RAI14: variants seen among roughly 807,000 people sequenced by gnomAD.
RAI14 encodes retinoic acid induced 14, also known as ankycorbin.
Under a neutral mutation model 115.4 loss-of-function variants are expected in RAI14, and 45 were observed. The observed-to-expected ratio is 0.39, with a 90% CI of 0.31 to 0.50. RAI14 has a LOEUF of 0.50. Ranked by LOEUF, RAI14 falls within the 20% of genes least tolerant of loss-of-function variation. The pLI, the probability that RAI14 is intolerant of heterozygous loss-of-function variation, is 0.85. For synonymous variants in RAI14, 371 were observed against 415.4 expected, an observed-to-expected ratio of 0.89 and a Z score of 1.30; for missense variants, 939 against 1,131.2, an observed-to-expected ratio of 0.83 and a Z score of 2.44.
At chr5:34,772,488 C>T (rs73078624) in intron 3 of RAI14, among the ~76,000 whole-genome samples, 13,831 of 152,232 alleles carry the variant, frequency 0.091, 1,118 homozygotes, top group African/African-American at 0.22. Context: ...CAACCCCTCA[C>T]AGGCTTGTTG....
chr5:34,763,514 G>A (rs1034353616), intron 3 of RAI14, among the ~76,000 whole-genome samples: 1 of 152,182 alleles, frequency 6.6e-6, no homozygotes, highest in African/African-American at 2.4e-5. Flanking sequence ...ATCTAGTTGG[G>A]AGGTACTCCC....
chr5:34,705,525 G>A (rs1278357189), intron 2 of RAI14, among the ~76,000 whole-genome samples: 1 of 152,086 alleles, frequency 6.6e-6, no homozygotes, highest in African/African-American at 2.4e-5. Context: ...AAACTGAAGT[G>A]GAATGATACT....
At chr5:34,688,345 A>C in intron 2 of RAI14, 1 of 1,250,058 alleles carries the variant, frequency 8.0e-7, no homozygotes, top group Non-Finnish European at 1.1e-6. Flanking sequence ...AAGGGAATCT[A>C]GGTAGCTTTC....
chr5:34,780,970 C>A (rs1440528984), intron 3 of RAI14, among the ~76,000 whole-genome samples: 1 of 152,060 alleles, frequency 6.6e-6, no homozygotes, highest in African/African-American at 2.4e-5. Flanking sequence ...GGAACCAACC[C>A]AAATGTCCAT....
rs113237026 is a variant in RAI14, at chr5:34,786,702, C to T, written c.168-9237C>T. ...CCACATTTTCCAACTGTTGCTCTGGCGACCCTTCGACCTGGGTTTGAGCCT... is the reference window on the plus strand; with the variant it reads ...CCACATTTTCCAACTGTTGCTCTGGTGACCCTTCGACCTGGGTTTGAGCCT... On this transcript the variant is annotated intron_variant, in intron 3 of 17. Coordinates refer to ENST00000265109, the MANE Select transcript of RAI14 (RefSeq NM_015577.3). 3.9e-5 allele frequency among the ~76,000 whole-genome samples: 6 copies of T among 152,192 alleles called. No homozygotes were observed. The East Asian group carries it at 5.8e-4, about 15-fold the overall frequency.
intron 3 of RAI14, among the ~76,000 whole-genome samples, chr5:34,762,928 CATGTGTGTGT>C (rs755202349): frequency 2.0e-5 from 2 of 98,826 alleles, no homozygotes; most frequent in Admixed American, 1.0e-4. Context: ...GGAGTGTGTG[CATGTGTGTGT>C]GTGTGTGTGT....
chr5:34,829,128 TATATAC>T (rs1280036541), intron 16 of RAI14, among the ~76,000 whole-genome samples: 2 of 95,726 alleles, frequency 2.1e-5, no homozygotes, highest in East Asian at 4.7e-4. Flanking sequence ...TACACACACA[TATATAC>T]ATATATACAC....
At chr5:34,826,163 A>C in intron 15 of RAI14, 167 bp from the exon 16 acceptor site, 1 of 527,520 alleles carries the variant, frequency 1.9e-6, no homozygotes, top group Non-Finnish European at 3.0e-6. Flanking sequence ...TTTGTCATCC[A>C]TTTCATTTTA....
At chr5:34,806,148 A>G (rs944519877) in intron 5 of RAI14, among the ~76,000 whole-genome samples, 4 of 152,210 alleles carry the variant, frequency 2.6e-5, no homozygotes, top group Non-Finnish European at 4.4e-5. Flanking sequence ...CCAAGGATGC[A>G]AAGAGCCACA....
At chr5:34,800,602 C>T (rs1561052709) in intron 4 of RAI14, among the ~76,000 whole-genome samples, 2 of 152,144 alleles carry the variant, frequency 1.3e-5, no homozygotes, top group African/African-American at 4.8e-5. Flanking sequence ...ATGCGTCATT[C>T]GGATTTTGAG....
intron 2 of RAI14, among the ~76,000 whole-genome samples, chr5:34,698,391 G>A (rs1406981902): frequency 1.3e-5 from 2 of 151,742 alleles, no homozygotes; most frequent in East Asian, 1.9e-4. Flanking sequence ...GGCATTTGTA[G>A]TACCTAAAAT....
intron 2 of RAI14, among the ~76,000 whole-genome samples, chr5:34,728,373 G>T (rs1348911870): frequency 6.6e-6 from 1 of 152,114 alleles, no homozygotes; most frequent in African/African-American, 2.4e-5. Flanking sequence ...TTTGGGAGGG[G>T]CCAGGGGCAG....
chr5:34,763,081 G>A lies in RAI14; in HGVS notation c.167+5483G>A, dbSNP rs560914431. Among the ~76,000 whole-genome samples, 7 of 152,210 alleles carry A rather than the reference G, an allele frequency of 4.6e-5. No individual in the cohort carries two copies. In the South Asian group the frequency reaches 1.5e-3, roughly 32 times the overall value. Reference sequence around the variant, plus strand: ...ATTTTTAGATGACTCTGTGGAGCTTGACTATAAAGTGGGAGAGGCAGGCCT... The same window carrying A: ...ATTTTTAGATGACTCTGTGGAGCTTAACTATAAAGTGGGAGAGGCAGGCCT... On this transcript the variant is annotated intron_variant, in intron 3 of 17. Coordinates refer to ENST00000265109, the MANE Select transcript of RAI14 (RefSeq NM_015577.3).
At chr5:34,758,121 C>A (rs952045011) in intron 3 of RAI14, among the ~76,000 whole-genome samples, 1 of 152,172 alleles carries the variant, frequency 6.6e-6, no homozygotes, top group African/African-American at 2.4e-5. Context: ...TATATCCATT[C>A]TTACGTTGGC....
chr5:34,815,640 TG>T (rs887260217), intron 12 of RAI14, among the ~76,000 whole-genome samples: 2 of 152,014 alleles, frequency 1.3e-5, no homozygotes, highest in African/African-American at 4.8e-5. Context: ...GAATGATAAT[TG>T]GGGGAGTGGT....
chr5:34,750,847 C>CTTTTTTT (rs1561309335), intron 2 of RAI14, among the ~76,000 whole-genome samples: 10 of 62,422 alleles, frequency 1.6e-4, no homozygotes, highest in African/African-American at 6.0e-4. Context: ...TTTGCTTTAT[C>CTTTTTTT]ATTTTTTTTT....
intron 2 of RAI14, among the ~76,000 whole-genome samples, chr5:34,751,668 C>T (rs914120150): frequency 6.6e-6 from 1 of 151,998 alleles, no homozygotes; most frequent in African/African-American, 2.4e-5. Flanking sequence ...ATAATTTATC[C>T]GTCGTTTGTT....
chr5:34,756,543 C>G (rs960042687), intron 2 of RAI14, among the ~76,000 whole-genome samples: 4 of 152,104 alleles, frequency 2.6e-5, no homozygotes, highest in African/African-American at 9.7e-5. Context: ...TGCCCAGAGC[C>G]TCTGATATGC....
intron 1 of RAI14, among the ~76,000 whole-genome samples, chr5:34,676,673 T>C (rs556628664): frequency 2.0e-5 from 3 of 152,292 alleles, no homozygotes; most frequent in Admixed American, 1.3e-4. Flanking sequence ...TCAATCCTGG[T>C]TGATGGCAGG....
Sources: gnomAD v4.1 joint callset for allele counts (sites outside exome capture counted in the v4.1 genomes callset) on GRCh38, gnomAD v4.1.1 for gene constraint, MANE v1.5 for transcripts, NCBI Gene and HGNC (gene_info 2026-07-23, HGNC 2026-07-21) for gene names.